Variants in APLF observed in about 807,000 individuals in gnomAD.
APLF encodes the protein aprataxin and PNKP like factor, also known as aprataxin and PNK-like factor.
A neutral mutation model predicts 55.6 loss-of-function variants in APLF; 61 were observed. That is an observed-to-expected ratio of 1.10 (90% CI 0.89 to 1.36). The LOEUF (loss-of-function observed/expected upper bound fraction) is 1.36. APLF is among the 40% of genes most tolerant of loss of function. APLF has a pLI of 0.00. For synonymous variants in APLF, 207 were observed against 214.8 expected (o/e 0.96, Z 0.32); for missense variants, 611 against 602.5 (o/e 1.01, Z -0.15).
At chr2:68,515,737 G>T (rs752104934) in intron 5 of APLF, 1 of 983,044 alleles carries the variant, frequency 1.0e-6, no homozygotes, top group South Asian at 4.7e-5. Flanking sequence ...TTGGATTCAG[G>T]TAATCTTTTT....
intron 3 of APLF, among the ~76,000 whole-genome samples, chr2:68,506,301 A>T: frequency 7.6e-6 from 1 of 131,512 alleles, no homozygotes; most frequent in African/African-American, 4.3e-5. Flanking sequence ...GAATTGCAGT[A>T]TCATCATGAG....
At chr2:68,571,746 T>C (rs1671472866) in intron 9 of APLF, among the ~76,000 whole-genome samples, 1 of 152,204 alleles carries the variant, frequency 6.6e-6, no homozygotes, top group Non-Finnish European at 1.5e-5. Flanking sequence ...AGCTTTGTTC[T>C]TTTGGCTTAG....
At chr2:68,547,367 A>G (rs556796474) in intron 8 of APLF, among the ~76,000 whole-genome samples, 5 of 151,918 alleles carry the variant, frequency 3.3e-5, no homozygotes, top group African/African-American at 1.2e-4. Flanking sequence ...TTATAAAGAA[A>G]TTTACAATGT....
chr2:68,519,563 G>C (rs1229256293), intron 5 of APLF, among the ~76,000 whole-genome samples: 1 of 149,980 alleles, frequency 6.7e-6, no homozygotes, highest in Non-Finnish European at 1.5e-5. Context: ...GAGGGAAAGT[G>C]TCTGCCCCTC....
intron 1 of APLF, 40 bp from the exon 2 acceptor site, chr2:68,490,149 GA>G: frequency 6.9e-7 from 1 of 1,451,650 alleles, no homozygotes; most frequent in South Asian, 1.3e-5. Context: ...GCTTTTTAAG[GA>G]GGTGGCTATT....
intron 8 of APLF, among the ~76,000 whole-genome samples, chr2:68,551,596 T>TCTTCTC (rs1246255445): frequency 7.0e-6 from 1 of 143,884 alleles, no homozygotes; most frequent in African/African-American, 2.7e-5. Context: ...ATTTAATTCT[T>TCTTCTC]CTTCTTCTTT....
chr2:68,516,085 A>G (rs1036660018), intron 5 of APLF, among the ~76,000 whole-genome samples: 4 of 151,760 alleles, frequency 2.6e-5, no homozygotes, highest in African/African-American at 9.6e-5. Context: ...ATTATCTGAA[A>G]CTAACTTGAT....
chr2:68,529,446 C>T lies in APLF; in HGVS notation c.804+3204C>T, dbSNP rs185492265. The T allele has an allele frequency of 1.7e-6, 2 of 1,170,692 alleles. No individual in the cohort carries two copies. The highest frequency in any genetic ancestry group is 2.1e-6 in the Non-Finnish European group (2 of 946,252). 72.5% of individuals were successfully genotyped at this position (1,170,692 alleles called of 1,614,324 possible). ...CTGCGGCGGAACCAGGAACAAAATA[C>T]GCTTAGTGAGTTGTCCATTTTGAGC... On this transcript the variant is annotated intron_variant, in intron 6 of 9. Transcript: ENST00000303795. This position sits in a 1 kb window ranked among gnomAD's most constrained non-coding sequence, Gnocchi z 4.4.
chr2:68,510,413 G>A (rs1159648288), intron 3 of APLF, among the ~76,000 whole-genome samples: 2 of 151,716 alleles, frequency 1.3e-5, no homozygotes, highest in Non-Finnish European at 2.9e-5. Context: ...CAGGTGGTCA[G>A]TAGAACATGA....
At chr2:68,488,919 A>G (rs560258149) in intron 1 of APLF, among the ~76,000 whole-genome samples, 1 of 152,202 alleles carries the variant, frequency 6.6e-6, no homozygotes, top group South Asian at 2.1e-4. Flanking sequence ...ACATGTATAC[A>G]TATGTAACTA....
At chr2:68,568,148 C>A in intron 9 of APLF, 1 of 386,860 alleles carries the variant, frequency 2.6e-6, no homozygotes, top group Non-Finnish European at 3.5e-6. Flanking sequence ...TTACCTCAAT[C>A]TGTTTTACCT....
At chr2:68,472,452 G>A (rs1025486234) in intron 1 of APLF, among the ~76,000 whole-genome samples, 2 of 152,122 alleles carry the variant, frequency 1.3e-5, no homozygotes. Context: ...CATCTGATGA[G>A]AATTTATGGT....
chr2:68,500,654 A>G (rs1676691794), intron 2 of APLF, among the ~76,000 whole-genome samples: 1 of 152,186 alleles, frequency 6.6e-6, no homozygotes, highest in Admixed American at 6.5e-5. Flanking sequence ...ATCAGAAGCA[A>G]GCGTCACTTA....
At chr2:68,504,724 T>C (rs1241614871) in intron 3 of APLF, among the ~76,000 whole-genome samples, 1 of 152,024 alleles carries the variant, frequency 6.6e-6, no homozygotes, top group Non-Finnish European at 1.5e-5. Flanking sequence ...GAAGTAAAAC[T>C]GTGTTTATTT....
chr2:68,550,301 G>A (rs923988773), intron 8 of APLF, among the ~76,000 whole-genome samples: 4 of 151,924 alleles, frequency 2.6e-5, no homozygotes, highest in South Asian at 2.1e-4. Flanking sequence ...GCGCAATCTC[G>A]GCTCTCTGCA....
chr2:68,514,610 T>G (rs1558537575), intron 5 of APLF, among the ~76,000 whole-genome samples: 2 of 151,696 alleles, frequency 1.3e-5, no homozygotes, highest in Non-Finnish European at 2.9e-5. Context: ...GGGTCAAGTT[T>G]TTATGTAGGT....
chr2:68,492,268 G>A (rs1319921798), intron 2 of APLF, among the ~76,000 whole-genome samples: 3 of 152,084 alleles, frequency 2.0e-5, no homozygotes, highest in Non-Finnish European at 4.4e-5. Context: ...CACGAGGTCA[G>A]GAGATCGAGA....
chr2:68,526,644 A>G (rs1670061271), intron 6 of APLF, among the ~76,000 whole-genome samples: 2 of 152,214 alleles, frequency 1.3e-5, no homozygotes, highest in African/African-American at 4.8e-5. Flanking sequence ...AAGAGTGGCA[A>G]CCAGAACCTC....
At chr2:68,524,517 A>G (rs1669978354) in intron 5 of APLF, among the ~76,000 whole-genome samples, 1 of 152,222 alleles carries the variant, frequency 6.6e-6, no homozygotes, top group Non-Finnish European at 1.5e-5. Flanking sequence ...GACTGCTTTC[A>G]TGTTACAAAG....
Sources: gnomAD v4.1 joint callset for allele counts (sites outside exome capture counted in the v4.1 genomes callset) on GRCh38, gnomAD v4.1.1 for gene constraint, Gnocchi (gnomAD v3.1) non-coding constraint, MANE v1.5 for transcripts, NCBI Gene and HGNC (gene_info 2026-07-23, HGNC 2026-07-21) for gene names.